Variants in CSGALNACT1 observed in about 807,000 individuals in gnomAD.
CSGALNACT1 encodes chondroitin sulfate N-acetylgalactosaminyltransferase 1.
CSGALNACT1 carries 52 observed loss-of-function variants against 51.0 expected under a neutral mutation model. That is an observed-to-expected ratio of 1.02 (90% CI 0.82 to 1.29). The LOEUF (loss-of-function observed/expected upper bound fraction) is 1.29, where lower values mean the gene tolerates loss of function less well. Ranked by LOEUF, CSGALNACT1 falls within the 50% of genes most tolerant of loss-of-function variation. CSGALNACT1 has a pLI of 0.00. For synonymous variants in CSGALNACT1, 341 were observed against 254.4 expected (o/e 1.34, Z -3.24); for missense variants, 935 against 679.2 (o/e 1.38, Z -4.19).
chr8:19,602,770 T>A (rs1157418587), upstream of CSGALNACT1: 1 of 150,438 alleles, frequency 6.6e-6, no homozygotes, highest in Non-Finnish European at 1.5e-5. Context: ...GGGAAAGAGG[T>A]GCAAGCAAAA....
chr8:19,747,767 A>T (rs2064771328), intron 1 of CSGALNACT1, among the ~76,000 whole-genome samples: 1 of 152,080 alleles, frequency 6.6e-6, no homozygotes, highest in Admixed American at 6.5e-5. Flanking sequence ...CCACCAAGCT[A>T]GTTTCCTACT....
intron 1 of CSGALNACT1, among the ~76,000 whole-genome samples, chr8:19,659,969 T>C (rs1199419737): frequency 6.6e-6 from 1 of 152,258 alleles, no homozygotes; most frequent in African/African-American, 2.4e-5. Context: ...TCTAGCCGCT[T>C]TCTTTGTAGT....
chr8:19,755,465 A>AAAAAAAAAAAAAAAAAAAAAAAG, intron 1 of CSGALNACT1, among the ~76,000 whole-genome samples: 2 of 126,736 alleles, frequency 1.6e-5, no homozygotes, highest in Non-Finnish European at 3.4e-5. Context: ...ACAAAAAAAA[A>AAAAAAAAAAAAAAAAAAAAAAAG]AAAAAAAAAA....
intron 3 of CSGALNACT1, among the ~76,000 whole-genome samples, chr8:19,565,257 T>C (rs73214628): frequency 0.13 from 19,262 of 152,074 alleles, 1,450 homozygotes; most frequent in Non-Finnish European, 0.17. Flanking sequence ...AAAAACACCA[T>C]AGAAAAAAAT....
At chr8:19,524,008 G>A (rs1014482) in intron 3 of CSGALNACT1, among the ~76,000 whole-genome samples, 22,095 of 152,130 alleles carry the variant, frequency 0.15, 1,773 homozygotes, top group Non-Finnish European at 0.18. Flanking sequence ...AAAATATGCA[G>A]CAGGGCCAGG....
chr8:19,544,016 C>T (rs1277793994), intron 3 of CSGALNACT1, among the ~76,000 whole-genome samples: 6 of 151,860 alleles, frequency 4.0e-5, no homozygotes, highest in African/African-American at 1.2e-4. Context: ...TCTTCCCTCA[C>T]GAAATACATC....
chr8:19,525,966 A>G (rs1455703344), intron 3 of CSGALNACT1, among the ~76,000 whole-genome samples: 1 of 152,180 alleles, frequency 6.6e-6, no homozygotes, highest in African/African-American at 2.4e-5. Flanking sequence ...GTGCGCATTT[A>G]CCATTCCATT....
At chr8:19,443,522 A>G (rs544956676) in intron 5 of CSGALNACT1, among the ~76,000 whole-genome samples, 1 of 152,284 alleles carries the variant, frequency 6.6e-6, no homozygotes, top group South Asian at 2.1e-4. Flanking sequence ...CAGAAGGCAA[A>G]GGAGGATCAA....
Position 19,668,313 on chromosome 8 carries a change from ATC to A in CSGALNACT1, c.-544+14158_-544+14159del, listed in dbSNP as rs904751413. ...AGCTTCCTTAGCCACTCATAGCTCA[ATC>A]TCTGTCTTGCACATACATGCACGGT... On this transcript the variant is annotated intron_variant, in intron 1 of 9. Transcript: ENST00000332246. 6.0e-5 allele frequency among the ~76,000 whole-genome samples: 9 copies of A among 149,810 alleles called. No individual in the cohort carries two copies. The Admixed American group carries it at 6.0e-4, about 10-fold the overall frequency.
exon 4 of CSGALNACT1, chr8:19,505,403 T>G: frequency 6.2e-7 from 1 of 1,614,258 alleles, no homozygotes; most frequent in Non-Finnish European, 8.5e-7. Context: ...AAGGCACTGC[T>G]GCATACTCTG....
At chr8:19,434,549 C>G (rs1302114401) in intron 6 of CSGALNACT1, among the ~76,000 whole-genome samples, 3 of 152,164 alleles carry the variant, frequency 2.0e-5, no homozygotes, top group African/African-American at 7.2e-5. Flanking sequence ...AGGAAATTAA[C>G]ATTTTTACAT....
chr8:19,587,882 G>T (rs1001661458), intron 3 of CSGALNACT1: 1 of 152,132 alleles, frequency 6.6e-6, no homozygotes, highest in African/African-American at 2.4e-5. Flanking sequence ...ATACCTTTGT[G>T]ATCAGCATTA....
chr8:19,425,515 C>A (rs979969204), intron 6 of CSGALNACT1, among the ~76,000 whole-genome samples: 2 of 152,054 alleles, frequency 1.3e-5, no homozygotes, highest in Admixed American at 6.5e-5. Context: ...TCGATTTTTT[C>A]CTCTGTTCCC....
rs557390217 is a variant in CSGALNACT1, at chr8:19,753,596, T to C, written c.-297+4254A>G. The stretch of plus-strand genomic sequence containing the variant: ...GATATTGCCTAGCGTGGTTTTGATA[T>C]ATTGAGTGCTTCAGAAATCCTACTA... On this transcript the variant is annotated intron_variant, in intron 1 of 1. Coordinates refer to the CSGALNACT1 transcript ENST00000517494. Among the ~76,000 whole-genome samples the C allele has an allele frequency of 9.4e-4, 143 of 152,296 alleles. 1 individual carries two copies. The highest frequency in any genetic ancestry group is 2.4e-3 in the Admixed American group (36 of 15,296).
chr8:19,469,207 C>T (rs1287296392), intron 4 of CSGALNACT1, among the ~76,000 whole-genome samples: 1 of 152,186 alleles, frequency 6.6e-6, no homozygotes, highest in African/African-American at 2.4e-5. Context: ...CTGGGAAACA[C>T]AGCAAGACCT....
chr8:19,420,235 C>T, intron 7 of CSGALNACT1, 105 bp downstream of exon 6: 2 of 1,046,882 alleles, frequency 1.9e-6, no homozygotes, highest in Admixed American at 1.7e-5. Context: ...GTAAAACAGG[C>T]TGATTCAGAA....
At chr8:19,626,788 A>G (rs1332201213) in intron 1 of CSGALNACT1, among the ~76,000 whole-genome samples, 1 of 152,224 alleles carries the variant, frequency 6.6e-6, no homozygotes, top group Non-Finnish European at 1.5e-5. Flanking sequence ...TTCACCAAAG[A>G]GAATATGGGT....
At chr8:19,610,155 T>A (rs141305808) in intron 1 of CSGALNACT1, among the ~76,000 whole-genome samples, 13,564 of 151,248 alleles carry the variant, frequency 0.09, 725 homozygotes, top group Middle Eastern at 0.2. Context: ...CCAGGCGTGG[T>A]TGCGGGTACC....
chr8:19,671,300 C>T (rs1423196006), intron 1 of CSGALNACT1, among the ~76,000 whole-genome samples: 1 of 152,216 alleles, frequency 6.6e-6, no homozygotes, highest in Non-Finnish European at 1.5e-5. Flanking sequence ...TTTGATTCTG[C>T]TCTCTTCAAT....
Sources: allele counts gnomAD v4.1 joint callset (sites outside exome capture counted in the v4.1 genomes callset), GRCh38; gene constraint gnomAD v4.1.1; transcripts MANE v1.5; gene names NCBI Gene and HGNC (gene_info 2026-07-23, HGNC 2026-07-21).